The following FBXL5 variants were observed in gnomAD, a reference collection of about 807,000 sequenced individuals.
The protein encoded by FBXL5 is F-box and leucine rich repeat protein 5, also known as F-box/LRR-repeat protein 5.
In FBXL5, 26 loss-of-function variants were observed where a neutral mutation model predicts 78.3. The observed-to-expected ratio is 0.33, with a 90% CI of 0.24 to 0.46. The LOEUF is 0.46. FBXL5 is among the 20% of genes least tolerant of loss of function. FBXL5 has a pLI of 1.00. For missense variants in FBXL5, 710 were observed against 829.2 expected, an observed-to-expected ratio of 0.86 and a Z score of 1.77; for synonymous variants, 295 against 282.5, an observed-to-expected ratio of 1.04 and a Z score of -0.45.
chr4:15,648,046 G>A (rs185024660), intron 1 of FBXL5, among the ~76,000 whole-genome samples: 26 of 152,076 alleles, frequency 1.7e-4, no homozygotes, highest in East Asian at 7.7e-4. Context: ...TTTTAGAGAC[G>A]GGGTCTCACT....
intron 1 of FBXL5, among the ~76,000 whole-genome samples, chr4:15,648,355 A>G (rs1274341663): frequency 6.6e-6 from 1 of 152,228 alleles, no homozygotes. Flanking sequence ...TGTAATTTTC[A>G]TAAGTTCCAG....
chr4:15,670,914 CTTTTTTTTT>C (rs57312794), intron 1 of FBXL5, among the ~76,000 whole-genome samples: 5 of 54,144 alleles, frequency 9.2e-5, no homozygotes, highest in African/African-American at 4.1e-4. Flanking sequence ...TGTGCGTAGA[CTTTTTTTTT>C]TTTTTTTTTT....
intron 1 of FBXL5, among the ~76,000 whole-genome samples, chr4:15,646,909 A>G (rs2148681188): frequency 6.6e-6 from 1 of 151,998 alleles, no homozygotes; most frequent in South Asian, 2.1e-4. Context: ...GGATGCAGAA[A>G]CCACAGATTC....
At chr4:15,657,510 A>C (rs945543407), upstream of FBXL5, among the ~76,000 whole-genome samples, 1 of 152,244 alleles carries the variant, frequency 6.6e-6, no homozygotes. Context: ...ACAACAACAA[A>C]AAAAGTCCAT....
Position 15,638,705 on chromosome 4 carries a change from C to T in FBXL5, c.397-11G>A, listed in dbSNP as rs967870308. Reference sequence around the variant, plus strand: ...CATGGGCTGAAAAACCTAAATTAAACAAAATATTCACGAGGAAAGATGCTT... The same window carrying T: ...CATGGGCTGAAAAACCTAAATTAAATAAAATATTCACGAGGAAAGATGCTT... On this transcript the variant is annotated splice_polypyrimidine_tract_variant and intron_variant, in intron 3 of 10. Coordinates refer to ENST00000341285, the MANE Select transcript of FBXL5 (RefSeq NM_012161.4). 9 of 1,520,798 alleles carry T rather than the reference C, an allele frequency of 5.9e-6. No individual in the cohort carries two copies. In the African/African-American group the frequency reaches 1.3e-4, roughly 21 times the overall value. The allele number at this position is 1,520,798 out of a possible 1,614,324, so 94.2% of individuals were successfully genotyped here.
At chr4:15,619,107 G>A (rs1712217729) in intron 9 of FBXL5, among the ~76,000 whole-genome samples, 1 of 152,092 alleles carries the variant, frequency 6.6e-6, no homozygotes, top group African/African-American at 2.4e-5. Context: ...AGGCTGCAGT[G>A]AGCCATAATA....
At chr4:15,638,879 T>A (rs1248598024) in intron 3 of FBXL5, among the ~76,000 whole-genome samples, 185 bp from the exon 4 acceptor site, 1 of 152,140 alleles carries the variant, frequency 6.6e-6, no homozygotes, top group Non-Finnish European at 1.5e-5. Flanking sequence ...ACCAAGAAGA[T>A]CCTGGCCAGG....
At chr4:15,640,212 T>C (rs1384939883) in intron 3 of FBXL5, among the ~76,000 whole-genome samples, 1 of 151,922 alleles carries the variant, frequency 6.6e-6, no homozygotes, top group Non-Finnish European at 1.5e-5. Context: ...AGCTGATTTT[T>C]TTAATTTTTA....
chr4:15,652,789 C>G (rs1324093673), intron 1 of FBXL5, among the ~76,000 whole-genome samples: 1 of 152,188 alleles, frequency 6.6e-6, no homozygotes, highest in Non-Finnish European at 1.5e-5. Context: ...AATAACTGGG[C>G]ATTCAGAGCC....
chr4:15,626,094 G>A, intron 8 of FBXL5, 117 bp from the exon 9 acceptor site: 9 of 910,178 alleles, frequency 9.9e-6, no homozygotes, highest in Non-Finnish European at 1.4e-5. Flanking sequence ...AATCACTTAA[G>A]TATTTAGTGA....
At chr4:15,654,277 C>T (rs946513092) in intron 1 of FBXL5, among the ~76,000 whole-genome samples, 1 of 152,176 alleles carries the variant, frequency 6.6e-6, no homozygotes, top group Non-Finnish European at 1.5e-5. Context: ...CCACAAGAAA[C>T]GGGACTGCCT....
At chr4:15,657,106 C>G (rs1717023623), upstream of FBXL5, among the ~76,000 whole-genome samples, 1 of 152,178 alleles carries the variant, frequency 6.6e-6, no homozygotes, top group African/African-American at 2.4e-5. Context: ...GTTTCTCGTT[C>G]TTTTGCCAGG....
intron 1 of FBXL5, among the ~76,000 whole-genome samples, chr4:15,647,563 T>C (rs922503407): frequency 2.6e-5 from 4 of 152,220 alleles, no homozygotes; most frequent in Non-Finnish European, 5.9e-5. Flanking sequence ...ATTTTGCATA[T>C]ATTCTCATTA....
chr4:15,678,706 ATTAC>A (rs1210911778), intron 1 of FBXL5, among the ~76,000 whole-genome samples: 1 of 152,206 alleles, frequency 6.6e-6, no homozygotes, highest in African/African-American at 2.4e-5. Context: ...GTAAGCTATT[ATTAC>A]TTAACAAATC....
intron 5 of FBXL5, among the ~76,000 whole-genome samples, chr4:15,635,476 G>A (rs969756746): frequency 3.3e-5 from 5 of 151,930 alleles, no homozygotes; most frequent in Non-Finnish European, 7.4e-5. Flanking sequence ...CCCCTGGGCC[G>A]GGTCTGGTGG....
intron 5 of FBXL5, among the ~76,000 whole-genome samples, chr4:15,636,183 G>A (rs993475089): frequency 6.6e-6 from 1 of 152,026 alleles, no homozygotes; most frequent in African/African-American, 2.4e-5. Flanking sequence ...GTCAAAAGCA[G>A]AACTAGTATA....
intron 10 of FBXL5, among the ~76,000 whole-genome samples, chr4:15,606,641 C>A (rs1240588930): frequency 2.0e-5 from 3 of 152,172 alleles, no homozygotes; most frequent in Non-Finnish European, 4.4e-5. Context: ...ATATTGAAGT[C>A]TTTCATTATG....
chr4:15,657,557 A>G (rs1234979390), upstream of FBXL5, among the ~76,000 whole-genome samples: 1 of 152,262 alleles, frequency 6.6e-6, no homozygotes, highest in Non-Finnish European at 1.5e-5. Context: ...TTGAAGCTCT[A>G]TAATCAGCTG....
Position 15,655,239 on chromosome 4 carries a change from G to A in FBXL5, c.49C>T (p.Arg17Trp). 1.4e-6 allele frequency: 2 copies of A among 1,440,284 alleles called. No individual in the cohort carries two copies. The highest frequency in any genetic ancestry group is 1.3e-5 in the South Asian group (1 of 78,326). 89.2% of individuals were successfully genotyped at this position (1,440,284 alleles called of 1,614,324 possible). The part of the protein sequence containing the change: ...EVDVFTAPHW[R>W]MKQLVGLYCD... The stretch of plus-strand genomic sequence containing the variant: ...TAGAGCCCCACCAGCTGCTTCATCC[G>A]CCAGTGTGGGGCGGTGAAGACGTCC... The change falls in exon 1 of 11, where the codon CGG (arginine) becomes TGG (tryptophan). Residue 17 changes from arginine (R) to tryptophan (W), a missense_variant. Arg to Trp is a moderately radical substitution (Grantham distance 101, BLOSUM62 -3). Coordinates refer to ENST00000341285, the MANE Select transcript of FBXL5 (RefSeq NM_012161.4).
Sources: allele counts gnomAD v4.1 joint callset (sites outside exome capture counted in the v4.1 genomes callset), GRCh38; gene constraint gnomAD v4.1.1; transcripts MANE v1.5; gene names NCBI Gene and HGNC (gene_info 2026-07-23, HGNC 2026-07-21).